Variants in SNTG2 observed in about 807,000 individuals in gnomAD.
SNTG2 encodes the protein gamma-2-syntrophin.
A neutral mutation model predicts 70.9 loss-of-function variants in SNTG2; 74 were observed. That is an observed-to-expected ratio of 1.04 (90% CI 0.86 to 1.27). The LOEUF is 1.27. Ranked by LOEUF, SNTG2 falls within the 50% of genes most tolerant of loss-of-function variation. SNTG2 has a pLI of 0.00. For synonymous variants in SNTG2, 278 were observed against 273.8 expected (o/e 1.02, Z -0.15); for missense variants, 717 against 690.7 (o/e 1.04, Z -0.43).
At chr2:1,052,632 G>T (rs1459531467) in intron 1 of SNTG2, among the ~76,000 whole-genome samples, 1 of 152,088 alleles carries the variant, frequency 6.6e-6, no homozygotes, top group East Asian at 1.9e-4. Context: ...TGAAATCAGA[G>T]GTCTCTAAAG....
intron 4 of SNTG2, among the ~76,000 whole-genome samples, chr2:1,136,132 G>A (rs1443912397): frequency 2.0e-5 from 3 of 152,094 alleles, no homozygotes; most frequent in Admixed American, 6.5e-5. Flanking sequence ...CACATATTCT[G>A]TGTGTACTTT....
rs149168027 is a variant in SNTG2 at position 951,228 on chromosome 2, G to C, written c.72+160G>C. On this transcript the variant is annotated intron_variant, in intron 1 of 16. Transcript: ENST00000308624. ...CCGGAGGGTGGGCGCCGGAGCCCCG[G>C]GACGCAGTGGGCACCCGCCCCCTGG... Among the ~76,000 whole-genome samples, 1,171 of 152,232 alleles carry C rather than the reference G, an allele frequency of 7.7e-3. 18 individuals carry two copies. The highest frequency in any genetic ancestry group is 0.027 in the African/African-American group (1,112 of 41,536).
At position 980,743 on chromosome 2, in the gene SNTG2, G is replaced by A. The variant is rs1035022391; in HGVS notation, c.72+29675G>A. Among the ~76,000 whole-genome samples, 11 of 151,884 alleles carry A rather than the reference G, an allele frequency of 7.2e-5. No individual in the cohort carries two copies. The South Asian group carries it at 2.3e-3, about 32-fold the overall frequency. The stretch of plus-strand genomic sequence containing the variant: ...ACATTTATATATGTTCTTTTAAAAA[G>A]GGATGTGATGAAACCTTGTTTTAAT... On this transcript the variant is annotated intron_variant, in intron 1 of 16. Transcript: ENST00000308624.
chr2:1,155,408 C>T (rs73160173), intron 6 of SNTG2, among the ~76,000 whole-genome samples: 12,969 of 152,020 alleles, frequency 0.085, 926 homozygotes, highest in African/African-American at 0.2. Flanking sequence ...ATATACATGC[C>T]CCACATCACA....
At chr2:1,228,391 G>A (rs1326096951) in intron 9 of SNTG2, among the ~76,000 whole-genome samples, 2 of 152,218 alleles carry the variant, frequency 1.3e-5, no homozygotes, top group Non-Finnish European at 2.9e-5. Context: ...CTCTCACCCA[G>A]GCCCCGTTCA....
intron 8 of SNTG2, among the ~76,000 whole-genome samples, chr2:1,186,287 C>T (rs940041656): frequency 1.3e-5 from 2 of 152,216 alleles, no homozygotes; most frequent in Non-Finnish European, 2.9e-5. Flanking sequence ...TAGCAAGTCT[C>T]TAGGAAGTTT....
chr2:1,097,029 G>A lies in SNTG2; in HGVS notation c.211-1167G>A, dbSNP rs1665437050. The stretch of plus-strand genomic sequence containing the variant: ...TCTGTGTATAAAATTATTTTTGTCA[G>A]TTAAAAATACTATATGTCCAAAAAG... On this transcript the variant is annotated intron_variant, in intron 2 of 16. Coordinates refer to ENST00000308624, the MANE Select transcript of SNTG2 (RefSeq NM_018968.4). The surrounding 1 kb of genome is among the most constrained non-coding windows in gnomAD (Gnocchi z 4.1). Among the ~76,000 whole-genome samples the A allele has an allele frequency of 6.6e-6, 1 of 152,122 alleles. No individual in the cohort carries two copies. The highest frequency in any genetic ancestry group is 2.4e-5 in the African/African-American group (1 of 41,412).
intron 14 of SNTG2, among the ~76,000 whole-genome samples, chr2:1,307,887 C>A (rs1219797348): frequency 6.6e-6 from 1 of 152,200 alleles, no homozygotes; most frequent in East Asian, 1.9e-4. Flanking sequence ...CGTGCTGGTC[C>A]GGGCCGCCCT....
chr2:1,294,578 A>G (rs145425240), intron 14 of SNTG2, among the ~76,000 whole-genome samples: 1 of 152,342 alleles, frequency 6.6e-6, no homozygotes, highest in East Asian at 1.9e-4. Flanking sequence ...AGAAATCTCC[A>G]ATCAGAAATG....
chr2:954,162 C>T (rs931571299), intron 1 of SNTG2, among the ~76,000 whole-genome samples: 22 of 152,096 alleles, frequency 1.4e-4, no homozygotes, highest in African/African-American at 3.9e-4. Context: ...CTAGCTCCTG[C>T]GCTGCTGGGC....
At chr2:1,350,829 T>G (rs538671010) in intron 16 of SNTG2, among the ~76,000 whole-genome samples, 4 of 152,172 alleles carry the variant, frequency 2.6e-5, no homozygotes, top group African/African-American at 7.2e-5. Context: ...TGACTAGCCT[T>G]ACGAAAGCAA....
chr2:1,109,549 C>G (rs752304695), intron 4 of SNTG2, among the ~76,000 whole-genome samples: 136 of 152,192 alleles, frequency 8.9e-4, no homozygotes, highest in Admixed American at 2.2e-3. Flanking sequence ...AGCAGATAAA[C>G]AGGAATTATG....
chr2:987,967 C>A (rs954990205), intron 1 of SNTG2, among the ~76,000 whole-genome samples: 1 of 152,198 alleles, frequency 6.6e-6, no homozygotes, highest in Non-Finnish European at 1.5e-5. Context: ...CTCTCCAGGC[C>A]GCTCGGCTGC....
chr2:974,939 A>T (rs542607062), intron 1 of SNTG2, among the ~76,000 whole-genome samples: 3 of 152,132 alleles, frequency 2.0e-5, no homozygotes, highest in African/African-American at 4.8e-5. Context: ...CATCTATCCT[A>T]ATTTTCTGCC....
At chr2:1,221,523 CTCTATCTCTGTCT>C (rs1674861029) in intron 9 of SNTG2, among the ~76,000 whole-genome samples, 1 of 5,292 alleles carries the variant, frequency 1.9e-4, no homozygotes, top group African/African-American at 8.5e-4. Context: ...CTCTGTCTCT[CTCTATCTCTGTCT>C]CTATCTCTGT....
At chr2:1,011,006 T>A (rs1321134597) in intron 1 of SNTG2, among the ~76,000 whole-genome samples, 1 of 152,270 alleles carries the variant, frequency 6.6e-6, no homozygotes, top group Non-Finnish European at 1.5e-5. Context: ...GCTAACTTTA[T>A]AAGATGCAAT....
In SNTG2 at chr2:1,097,041, A is replaced by G. The variant is rs753394005; in HGVS notation, c.211-1155A>G. 2.6e-5 allele frequency among the ~76,000 whole-genome samples: 4 copies of G among 152,216 alleles called. No homozygotes were observed. The highest frequency in any genetic ancestry group is 6.5e-5 in the Admixed American group (1 of 15,274). On this transcript the variant is annotated intron_variant, in intron 2 of 16. Coordinates refer to ENST00000308624, the MANE Select transcript of SNTG2 (RefSeq NM_018968.4). This position sits in a 1 kb window ranked among gnomAD's most constrained non-coding sequence, Gnocchi z 4.1. ...ATTATTTTTGTCAGTTAAAAATACT[A>G]TATGTCCAAAAAGGATCGAAATGGT... is the stretch of plus-strand genomic sequence containing the variant.
intron 6 of SNTG2, among the ~76,000 whole-genome samples, chr2:1,148,805 TGAG>T (rs1251825187): frequency 9.2e-5 from 13 of 141,880 alleles, no homozygotes; most frequent in African/African-American, 3.5e-4. Context: ...AACAAGGAAG[TGAG>T]GAGAGAAGGT....
At chr2:1,272,562 G>A (rs1203431470) in intron 14 of SNTG2, among the ~76,000 whole-genome samples, 2 of 120,342 alleles carry the variant, frequency 1.7e-5, no homozygotes, top group Non-Finnish European at 3.4e-5. Context: ...ACACCCCAGG[G>A]AACAGGTGTA....
Sources: allele counts gnomAD v4.1 joint callset (sites outside exome capture counted in the v4.1 genomes callset), GRCh38; gene constraint gnomAD v4.1.1; non-coding constraint Gnocchi (gnomAD v3.1); transcripts MANE v1.5; gene names NCBI Gene and HGNC (gene_info 2026-07-23, HGNC 2026-07-21).